Variants in CACNA2D3 observed in about 807,000 individuals in gnomAD.
The protein encoded by CACNA2D3 is calcium voltage-gated channel auxiliary subunit alpha2delta 3, also known as voltage-dependent calcium channel subunit alpha-2/delta-3.
A neutral mutation model predicts 160.6 loss-of-function variants in CACNA2D3; 60 were observed. The observed-to-expected ratio is 0.37, with a 90% CI of 0.30 to 0.46. The LOEUF (loss-of-function observed/expected upper bound fraction) is 0.46, where lower values mean the gene tolerates loss of function less well. Ranked by LOEUF, CACNA2D3 falls within the 20% of genes least tolerant of loss-of-function variation. CACNA2D3 has a pLI of 1.00. For synonymous variants in CACNA2D3, 558 were observed against 492.9 expected, an observed-to-expected ratio of 1.13 and a Z score of -1.75; for missense variants, 1,205 against 1,365.0, an observed-to-expected ratio of 0.88 and a Z score of 1.85.
chr3:54,838,641 A>G lies in CACNA2D3; in HGVS notation c.1544A>G (p.Lys515Arg). The G allele has an allele frequency of 1.9e-6, 3 of 1,608,066 alleles. No homozygotes were observed. The highest frequency in any genetic ancestry group is 2.6e-6 in the Non-Finnish European group (3 of 1,174,494). Residue 515 changes from lysine to arginine, a missense_variant, in exon 16 of 38, where the codon AAA becomes AGA. Physicochemically the swap from Lys to Arg is conservative, Grantham distance 26. Transcript: ENST00000474759. ...AAAGAACTTCTGAAGACCATCCCCA[A>G]ATACAAGGTAATGAATGACCTAATC... is the stretch of plus-strand genomic sequence containing the variant. ...PVKELLKTIP[K>R]YKLGIHGYAF...
intron 4 of CACNA2D3, among the ~76,000 whole-genome samples, chr3:54,473,502 G>A (rs1700774037): frequency 1.3e-5 from 2 of 152,190 alleles, no homozygotes; most frequent in African/African-American, 2.4e-5. Context: ...AACACCAGAA[G>A]CAATGGCAAC....
At chr3:55,033,582 G>GTATA (rs755336238) in intron 35 of CACNA2D3, among the ~76,000 whole-genome samples, 9,132 of 118,988 alleles carry the variant, frequency 0.077, 556 homozygotes, top group East Asian at 0.42. Context: ...TTATGTGTGT[G>GTATA]TGTATATATA....
chr3:54,888,053 G>A lies in CACNA2D3; in HGVS notation c.2150+1G>A. The A allele has an allele frequency of 6.2e-7, 1 of 1,610,572 alleles. No individual in the cohort carries two copies. Among genetic ancestry groups the A allele is most frequent in the Non-Finnish European group, 8.5e-7 (1 of 1,176,814 alleles). ...CCAGCCTGGCCCTCAACAAATCTGA[G>A]TAAGTGGTTGCACGTGTCCTCGTTT... On this transcript the variant is annotated splice_donor_variant, in intron 24 of 37. Coordinates refer to ENST00000474759, the MANE Select transcript of CACNA2D3 (RefSeq NM_018398.3). LOFTEE classifies it high-confidence loss of function.
At chr3:54,919,203 C>G (rs995086514) in intron 27 of CACNA2D3, among the ~76,000 whole-genome samples, 1 of 152,198 alleles carries the variant, frequency 6.6e-6, no homozygotes, top group Admixed American at 6.5e-5. Context: ...ACGCTGGGGG[C>G]CGATGGTGAG....
chr3:54,776,608 C>T (rs998261932), intron 13 of CACNA2D3, among the ~76,000 whole-genome samples: 22 of 152,166 alleles, frequency 1.4e-4, no homozygotes, highest in African/African-American at 4.8e-4. Context: ...GAGGAAATGC[C>T]TAGAGTCTGA....
At chr3:54,647,751 G>A (rs1238635130) in intron 11 of CACNA2D3, among the ~76,000 whole-genome samples, 1 of 152,254 alleles carries the variant, frequency 6.6e-6, no homozygotes, top group African/African-American at 2.4e-5. Flanking sequence ...GTTGGAAGAA[G>A]GAATGCATTA....
chr3:54,386,086 C>T (rs938678452), intron 3 of CACNA2D3: 10 of 394,060 alleles, frequency 2.5e-5, no homozygotes, highest in African/African-American at 4.2e-5. Context: ...TGTTGAATTT[C>T]GCTGGCTGAG....
intron 2 of CACNA2D3, among the ~76,000 whole-genome samples, chr3:54,214,900 G>GC (rs1701434003): frequency 6.6e-6 from 1 of 152,212 alleles, no homozygotes; most frequent in Non-Finnish European, 1.5e-5. Context: ...CAGCACCCAG[G>GC]CCCTTTGCCC....
At chr3:54,603,579 T>C (rs888188255) in intron 9 of CACNA2D3, among the ~76,000 whole-genome samples, 5 of 152,196 alleles carry the variant, frequency 3.3e-5, no homozygotes, top group African/African-American at 9.7e-5. Context: ...GTTCGTTGTA[T>C]GGTCTAAGCT....
chr3:54,247,626 A>G (rs1197789210), intron 2 of CACNA2D3, among the ~76,000 whole-genome samples: 1 of 152,222 alleles, frequency 6.6e-6, no homozygotes, highest in Non-Finnish European at 1.5e-5. Context: ...CAAAGAATTC[A>G]AGAGAAAGGG....
At chr3:54,642,019 C>T (rs148495616) in intron 10 of CACNA2D3, 109 bp from the exon 11 acceptor site, 31 of 610,578 alleles carry the variant, frequency 5.1e-5, no homozygotes, top group African/African-American at 1.1e-4. Context: ...GGACAGTGTG[C>T]TGTCATTTTA....
intron 4 of CACNA2D3, among the ~76,000 whole-genome samples, chr3:54,390,012 T>TAA (rs1259026947): frequency 1.3e-5 from 2 of 152,006 alleles, no homozygotes; most frequent in Non-Finnish European, 2.9e-5. Context: ...CAGGAAGGAG[T>TAA]GATTGTGCGG....
intron 11 of CACNA2D3, among the ~76,000 whole-genome samples, chr3:54,710,426 T>A (rs1314994243): frequency 6.6e-6 from 1 of 152,234 alleles, no homozygotes; most frequent in African/African-American, 2.4e-5. Flanking sequence ...TCCAGTGTCC[T>A]TCTGTCATTG....
intron 2 of CACNA2D3, among the ~76,000 whole-genome samples, chr3:54,133,029 T>A (rs1699744138): frequency 1.3e-5 from 2 of 152,206 alleles, no homozygotes; most frequent in South Asian, 4.1e-4. Context: ...TGCTTCTACA[T>A]ACCAGCAAGT....
chr3:54,329,572 A>G (rs569052832), intron 3 of CACNA2D3, among the ~76,000 whole-genome samples: 1 of 152,304 alleles, frequency 6.6e-6, no homozygotes, highest in African/African-American at 2.4e-5. Flanking sequence ...CTGATTTTTC[A>G]GAGTATTATG....
chr3:54,551,668 A>G (rs1009555417), intron 5 of CACNA2D3, among the ~76,000 whole-genome samples: 1 of 152,194 alleles, frequency 6.6e-6, no homozygotes, highest in Non-Finnish European at 1.5e-5. Flanking sequence ...ATGAGTTTTC[A>G]AAAACTACTG....
intron 12 of CACNA2D3, among the ~76,000 whole-genome samples, chr3:54,762,415 G>A (rs1702096199): frequency 6.6e-6 from 1 of 152,176 alleles, no homozygotes; most frequent in Admixed American, 6.5e-5. Flanking sequence ...CCTTGCTCAA[G>A]GTAACCACAT....
intron 18 of CACNA2D3, 44 bp from the exon 19 acceptor site, chr3:54,878,974 A>T: frequency 7.9e-7 from 1 of 1,273,046 alleles, no homozygotes; most frequent in Non-Finnish European, 1.1e-6. Flanking sequence ...AGATTACATG[A>T]TAACCCAGGG....
chr3:54,247,640 C>T lies in CACNA2D3; in HGVS notation c.205-72802C>T, dbSNP rs187983675. Among the ~76,000 whole-genome samples, 349 of 152,182 alleles carry T rather than the reference C, an allele frequency of 2.3e-3. 1 individual carries two copies. Among genetic ancestry groups the T allele is most frequent in the Non-Finnish European group, 2.5e-3 (167 of 67,994 alleles). On this transcript the variant is annotated intron_variant, in intron 2 of 37. Coordinates refer to ENST00000474759, the MANE Select transcript of CACNA2D3 (RefSeq NM_018398.3). ...ACAAAGAATTCAAGAGAAAGGGACA[C>T]GCTATTGAAGATAGGCAGAGGAGAG...
Sources: allele counts gnomAD v4.1 joint callset (sites outside exome capture counted in the v4.1 genomes callset), GRCh38; gene constraint gnomAD v4.1.1; transcripts MANE v1.5; gene names NCBI Gene and HGNC (gene_info 2026-07-23, HGNC 2026-07-21).